The following RHOBTB1 variants were observed in gnomAD, a reference collection of about 807,000 sequenced individuals.
RHOBTB1 encodes Rho related BTB domain containing 1, also known as rho-related BTB domain-containing protein 1.
A neutral mutation model predicts 71.6 loss-of-function variants in RHOBTB1; 40 were observed. That is an observed-to-expected ratio of 0.56 (90% confidence interval 0.43 to 0.73). The LOEUF (loss-of-function observed/expected upper bound fraction) is 0.73. RHOBTB1 is among the 30% of genes least tolerant of loss of function. The pLI, the probability that RHOBTB1 is intolerant of heterozygous loss-of-function variation, is 0.00. For missense variants in RHOBTB1, 797 were observed against 894.0 expected (o/e 0.89, Z 1.38); for synonymous variants, 319 against 334.9 (o/e 0.95, Z 0.52).
the RHOBTB1 span, among the ~76,000 whole-genome samples, chr10:60,862,908 TC>T: frequency 8.1e-6 from 1 of 123,316 alleles, no homozygotes; most frequent in Non-Finnish European, 1.6e-5. Context: ...TCTCTCCCTC[TC>T]CTCTTTCTTT....
chr10:60,949,689 T>A (rs1864757), intron 2 of RHOBTB1, among the ~76,000 whole-genome samples: 70,611 of 136,016 alleles, frequency 0.52, 18,595 homozygotes, highest in East Asian at 0.76. Flanking sequence ...TTTTTTTTTT[T>A]AAAGCATAAC....
At chr10:60,923,178 A>G (rs927830298) in intron 2 of RHOBTB1, among the ~76,000 whole-genome samples, 1 of 152,204 alleles carries the variant, frequency 6.6e-6, no homozygotes, top group Non-Finnish European at 1.5e-5. Context: ...ACCATTCAAC[A>G]TATGACCTAT....
At chr10:60,904,398 T>C (rs1420682488) in intron 4 of RHOBTB1, among the ~76,000 whole-genome samples, 1 of 152,198 alleles carries the variant, frequency 6.6e-6, no homozygotes, top group African/African-American at 2.4e-5. Context: ...CCCCTAAAAT[T>C]TCCTTATGTT....
chr10:60,872,679 T>C (rs185940207), intron 9 of RHOBTB1, among the ~76,000 whole-genome samples: 359 of 151,638 alleles, frequency 2.4e-3, no homozygotes, highest in African/African-American at 4.9e-3. Context: ...AATGGAATAC[T>C]TCGTGTCGCA....
chr10:60,893,929 A>T (rs1275537904), intron 4 of RHOBTB1, among the ~76,000 whole-genome samples: 2 of 152,218 alleles, frequency 1.3e-5, no homozygotes, highest in Non-Finnish European at 2.9e-5. Flanking sequence ...CTTTCAAAAC[A>T]CTGAGGCAAA....
chr10:60,948,768 C>A (rs948272265), upstream of RHOBTB1, among the ~76,000 whole-genome samples: 1 of 152,204 alleles, frequency 6.6e-6, no homozygotes, highest in Non-Finnish European at 1.5e-5. Context: ...GGAGTAGATT[C>A]TTGCAGTTAA....
At chr10:60,907,183 T>C (rs1564902956) in intron 4 of RHOBTB1, among the ~76,000 whole-genome samples, 1 of 152,228 alleles carries the variant, frequency 6.6e-6, no homozygotes, top group South Asian at 2.1e-4. Flanking sequence ...CTTTATAAAT[T>C]ACCTAGTCTC....
At chr10:60,997,988 T>A (rs573873850) in intron 1 of RHOBTB1, among the ~76,000 whole-genome samples, 182 of 152,316 alleles carry the variant, frequency 1.2e-3, no homozygotes, top group Non-Finnish European at 2.1e-3. Flanking sequence ...AGTTTGCTCA[T>A]CAATAAAACA....
chr10:60,871,097 G>A lies in RHOBTB1; in HGVS notation c.*385C>T, dbSNP rs1033535668. 3.6e-5 allele frequency: 6 copies of A among 166,620 alleles called. No individual in the cohort carries two copies. Among genetic ancestry groups the A allele is most frequent in the African/African-American group, 1.4e-4 (6 of 41,706 alleles). The allele number at this position is 166,620 out of a possible 1,614,324, so 10.3% of individuals were successfully genotyped here. ...GGCCTGTAAAATAAAGTAATACACA[G>A]TATTTTCATTTCAACAAAATACAAC... On this transcript the variant is annotated 3_prime_UTR_variant, in exon 11 of 11. Transcript: ENST00000337910.
chr10:60,940,147 AAT>A (rs1311217918), intron 2 of RHOBTB1, among the ~76,000 whole-genome samples: 1 of 152,188 alleles, frequency 6.6e-6, no homozygotes, highest in Non-Finnish European at 1.5e-5. Context: ...GACAGCTTAT[AAT>A]ATCCCTTTAA....
intron 9 of RHOBTB1, among the ~76,000 whole-genome samples, chr10:60,872,774 A>G (rs941633680): frequency 4.7e-4 from 72 of 152,322 alleles, no homozygotes; most frequent in African/African-American, 1.6e-3. Context: ...CTTTGGTTAC[A>G]TAAGAAGAGC....
intron 2 of RHOBTB1, among the ~76,000 whole-genome samples, chr10:60,936,788 T>G (rs140443769): frequency 0.024 from 3,639 of 152,256 alleles, 75 homozygotes; most frequent in South Asian, 0.057. Context: ...TGAGCACAGC[T>G]CTAAAAGCAA....
rs1443285578 is a variant in RHOBTB1, at chr10:60,911,493, C to T, written c.50G>A (p.Cys17Tyr). Reference protein sequence around the residue: ...YERPNVETIKCVVVGDNAVGK... With the variant: ...YERPNVETIKYVVVGDNAVGK... The stretch of plus-strand genomic sequence containing the variant: ...CACGGCATTGTCACCCACGACCACA[C>T]ATTTGATAGTTTCAACGTTGGGTCT... The change falls in exon 3 of 11, where the codon TGT becomes TAT. Residue 17 changes from cysteine (C) to tyrosine (Y), a missense_variant. Cys to Tyr is a radical substitution (Grantham distance 194, BLOSUM62 -2). Around this residue, in one of 2 missense-constraint regions of RHOBTB1, gnomAD observed 139 missense variants for 212.5 expected, o/e 0.65. Coordinates refer to ENST00000337910, the MANE Select transcript of RHOBTB1 (RefSeq NM_014836.5). 7 of 1,614,220 alleles carry T rather than the reference C, an allele frequency of 4.3e-6. No individual in the cohort carries two copies. Among genetic ancestry groups the T allele is most frequent in the Non-Finnish European group, 4.2e-6 (5 of 1,180,046 alleles).
intron 2 of RHOBTB1, among the ~76,000 whole-genome samples, chr10:60,912,585 T>C (rs2133438340): frequency 6.6e-6 from 1 of 152,328 alleles, no homozygotes; most frequent in South Asian, 2.1e-4. Context: ...AAAAAAATTA[T>C]CTTCTGTGTT....
At chr10:60,907,383 G>C (rs142229647) in intron 4 of RHOBTB1, among the ~76,000 whole-genome samples, 1 of 152,162 alleles carries the variant, frequency 6.6e-6, no homozygotes, top group African/African-American at 2.4e-5. Flanking sequence ...AAGAAGAGGC[G>C]CTTTCCTTGC....
At position 60,870,550 on chromosome 10, in the gene RHOBTB1, C is replaced by G. The variant is rs548174938; in HGVS notation, c.*932G>C. The G allele has an allele frequency of 3.9e-5, 6 of 152,282 alleles. No individual in the cohort carries two copies. The highest frequency in any genetic ancestry group is 1.4e-4 in the African/African-American group (6 of 41,556). 9.4% of individuals were successfully genotyped at this position (152,282 alleles called of 1,614,324 possible). A position where few individuals can be genotyped will look rare whatever the true frequency, so the allele number is the denominator to read the frequency against. ...AGCCTGTAGATGGCAGGAGGGAGTCCAGGGACCTTTTCCCTTGCCCATCTC... is the reference window on the plus strand; with the variant it reads ...AGCCTGTAGATGGCAGGAGGGAGTCGAGGGACCTTTTCCCTTGCCCATCTC... On this transcript the variant is annotated 3_prime_UTR_variant, in exon 11 of 11. Transcript: ENST00000337910.
At chr10:60,935,916 T>C (rs917854649) in intron 2 of RHOBTB1, among the ~76,000 whole-genome samples, 2 of 152,172 alleles carry the variant, frequency 1.3e-5, no homozygotes, top group African/African-American at 2.4e-5. Flanking sequence ...AAATTGGCCA[T>C]GGTGGGAATA....
chr10:60,877,110 T>C (rs1374145965), intron 8 of RHOBTB1: 1 of 152,188 alleles, frequency 6.6e-6, no homozygotes, highest in East Asian at 1.9e-4. Context: ...AGGCTGAAGA[T>C]CTGAATTCCA....
chr10:60,939,943 A>G (rs1404081115), intron 2 of RHOBTB1, among the ~76,000 whole-genome samples: 1 of 152,224 alleles, frequency 6.6e-6, no homozygotes, highest in African/African-American at 2.4e-5. Flanking sequence ...GATTCAAAGT[A>G]TAATTTTAGT....
Sources: gnomAD v4.1 joint callset for allele counts (sites outside exome capture counted in the v4.1 genomes callset) on GRCh38, gnomAD v4.1.1 for gene constraint, gnomAD v4.1.1 regional missense constraint, MANE v1.5 for transcripts, NCBI Gene and HGNC (gene_info 2026-07-23, HGNC 2026-07-21) for gene names.